Variants in FRAS1 observed in about 807,000 individuals in gnomAD.
The protein encoded by FRAS1 is extracellular matrix organizing protein FRAS1.
FRAS1 carries 290 observed loss-of-function variants against 435.2 expected under a neutral mutation model. The observed-to-expected ratio is 0.67, with a 90% CI of 0.61 to 0.73. FRAS1 has a LOEUF of 0.73. Ranked by LOEUF, FRAS1 falls within the 30% of genes least tolerant of loss-of-function variation. FRAS1 has a pLI of 0.00. For missense variants in FRAS1, 4,860 were observed against 5,001.5 expected, an observed-to-expected ratio of 0.97 and a Z score of 0.85; for synonymous variants, 1,800 against 1,851.0, an observed-to-expected ratio of 0.97 and a Z score of 0.71.
At chr4:78,166,646 G>A (rs1326423880) in intron 2 of FRAS1, among the ~76,000 whole-genome samples, 1 of 152,090 alleles carries the variant, frequency 6.6e-6, no homozygotes, top group African/African-American at 2.4e-5. Flanking sequence ...ATATTTTTAG[G>A]CAGTGGTTCC....
chr4:78,363,647 G>T lies in FRAS1; in HGVS notation c.2557G>T (p.Glu853Ter). 1 of 1,594,276 alleles carries T rather than the reference G, an allele frequency of 6.3e-7. No homozygotes were observed. Among genetic ancestry groups the T allele is most frequent in the Non-Finnish European group, 8.5e-7 (1 of 1,170,404 alleles). ...VPDCPSGYYAERGACKKCHSS... is the reference protein window; with the variant it reads ...VPDCPSGYYA ...TGACTGCCCTTCAGGATACTATGCA[G>T]AGAGAGGAGCTTGTAAAAGTGAGTA... Residue 853 changes from glutamate to a stop codon, truncating the protein, a stop_gained, in exon 21 of 74, where the codon GAG becomes TAG. Transcript: ENST00000512123. LOFTEE classifies it high-confidence loss of function.
chr4:78,276,134 C>T (rs1215674172), intron 9 of FRAS1, among the ~76,000 whole-genome samples: 3 of 152,218 alleles, frequency 2.0e-5, no homozygotes, highest in African/African-American at 4.8e-5. Context: ...GCATTCATCA[C>T]GTAGTTCTCA....
At chr4:78,483,798 A>ATATATATATATATATATATATATATAT (rs1491045148) in intron 58 of FRAS1, among the ~76,000 whole-genome samples, 2 of 71,670 alleles carry the variant, frequency 2.8e-5, no homozygotes, top group Non-Finnish European at 6.4e-5. Context: ...ATATATATAT[A>ATATATATATATATATATATATATATAT]AAATTATGTA....
chr4:78,182,403 C>T (rs1260475799), intron 2 of FRAS1, among the ~76,000 whole-genome samples: 1 of 152,110 alleles, frequency 6.6e-6, no homozygotes, highest in East Asian at 1.9e-4. Flanking sequence ...TCTTAGAAGA[C>T]AAGTAAGAGG....
At chr4:78,500,050 A>G (rs1720629562) in intron 61 of FRAS1, 129 bp downstream of exon 61, 1 of 673,938 alleles carries the variant, frequency 1.5e-6, no homozygotes, top group Non-Finnish European at 2.3e-6. Flanking sequence ...AGCATTTTTA[A>G]GCACACATTT....
chr4:78,159,915 A>G (rs1721066003), intron 2 of FRAS1, among the ~76,000 whole-genome samples: 1 of 152,088 alleles, frequency 6.6e-6, no homozygotes, highest in Non-Finnish European at 1.5e-5. Context: ...AAAGCCTAGA[A>G]CTAATTTCAC....
chr4:78,129,038 C>T (rs1031598059), intron 2 of FRAS1, among the ~76,000 whole-genome samples: 79 of 152,306 alleles, frequency 5.2e-4, no homozygotes, highest in Non-Finnish European at 1.0e-3. Flanking sequence ...TTGTTTTTCT[C>T]AGGTTTGTCA....
At chr4:78,494,626 G>A (rs58971322) in intron 59 of FRAS1, among the ~76,000 whole-genome samples, 13 of 152,114 alleles carry the variant, frequency 8.5e-5, no homozygotes, top group Non-Finnish European at 1.8e-4. Context: ...TCTTCCACCA[G>A]GCCCCACTTC....
At chr4:78,390,485 ACT>A (rs1415485916) in intron 29 of FRAS1, among the ~76,000 whole-genome samples, 3 of 151,738 alleles carry the variant, frequency 2.0e-5, no homozygotes, top group African/African-American at 7.3e-5. Context: ...TAACCATGAG[ACT>A]CTTTTCATTC....
At chr4:78,302,934 T>C (rs1355077475) in intron 14 of FRAS1, among the ~76,000 whole-genome samples, 2 of 152,216 alleles carry the variant, frequency 1.3e-5, no homozygotes, top group East Asian at 1.9e-4. Context: ...TCCTTGCCCA[T>C]GCCTATGTCC....
rs953155102 is a variant in FRAS1 at position 78,057,881 on chromosome 4, C to T, written c.-129C>T. 3 of 761,166 alleles carry T rather than the reference C, an allele frequency of 3.9e-6. No homozygotes were observed. Among genetic ancestry groups the T allele is most frequent in the Non-Finnish European group, 6.6e-6 (3 of 456,958 alleles). 47.2% of individuals were successfully genotyped at this position (761,166 alleles called of 1,614,324 possible). ...TCTCCGCCCGTCCATCTCTTTTTCC[C>T]GGAGGTAAAGGCCCGCGGTCCCCCA... On this transcript the variant is annotated 5_prime_UTR_variant, in exon 1 of 74. Coordinates refer to ENST00000512123, the MANE Select transcript of FRAS1 (RefSeq NM_025074.7). The surrounding 1 kb of genome is among the most constrained non-coding windows in gnomAD (Gnocchi z 4.2).
chr4:78,141,998 G>A (rs1720209027), intron 2 of FRAS1, among the ~76,000 whole-genome samples: 1 of 152,044 alleles, frequency 6.6e-6, no homozygotes, highest in South Asian at 2.1e-4. Flanking sequence ...CATGGGAGGG[G>A]GATGAGGGAT....
Position 78,245,289 on chromosome 4 carries a change from T to C in FRAS1, c.273T>C (p.Thr91=). ...NQCCPECVLR[T]PGSCHHEKKI... ...GCTGTCCTGAGTGTGTTTTGAGGAC[T>C]CCAGGATCTTGCCATCATGAAAAGA... Residue 91 remains threonine, a synonymous_variant, in exon 4 of 74, where the codon ACT becomes ACC. Transcript: ENST00000512123. 3 of 1,608,802 alleles carry C rather than the reference T, an allele frequency of 1.9e-6. No homozygotes were observed. The highest frequency in any genetic ancestry group is 2.5e-6 in the Non-Finnish European group (3 of 1,177,568).
rs190576342 is a variant in FRAS1 at position 78,118,267 on chromosome 4, C to T, written c.108+52251C>T. Among the ~76,000 whole-genome samples the T allele has an allele frequency of 5.7e-3, 868 of 152,306 alleles. 11 individuals are homozygous for T. The highest frequency in any genetic ancestry group is 0.02 in the African/African-American group (834 of 41,550). On this transcript the variant is annotated intron_variant, in intron 2 of 73. Coordinates refer to ENST00000512123, the MANE Select transcript of FRAS1 (RefSeq NM_025074.7). ...TGGGGGGTGCCTCCCAGTTAGGCTA[C>T]TCGGGGACCAGGGACCCACTTGAGG...
At chr4:78,483,221 C>T (rs1481494775) in intron 58 of FRAS1, among the ~76,000 whole-genome samples, 1 of 152,058 alleles carries the variant, frequency 6.6e-6, no homozygotes, top group Admixed American at 6.6e-5. Flanking sequence ...GAGTGATGTG[C>T]TTTTTTATTT....
chr4:78,478,367 C>A (rs78997229), intron 55 of FRAS1, among the ~76,000 whole-genome samples: 3,743 of 152,238 alleles, frequency 0.025, 170 homozygotes, highest in African/African-American at 0.084. Context: ...ATCACCCAAT[C>A]CATAAAATAT....
At chr4:78,112,277 A>G (rs1428660804) in intron 2 of FRAS1, among the ~76,000 whole-genome samples, 2 of 152,192 alleles carry the variant, frequency 1.3e-5, no homozygotes, top group Admixed American at 1.3e-4. Context: ...AAATGAATAA[A>G]TCAACAAATA....
At position 78,317,387 on chromosome 4, in the gene FRAS1, C is replaced by T; in HGVS notation, c.1839C>T (p.Ala613=). The T allele has an allele frequency of 6.2e-7, 1 of 1,613,928 alleles. No homozygotes were observed. The highest frequency in any genetic ancestry group is 1.1e-5 in the South Asian group (1 of 91,080). ...CCTCAGTTTGTCATAACTCATGTGC[C>T]AGCTGCTCTGGGCCCACACCCTCTC... The part of the protein sequence containing the change: ...GRCKVCHNSC[A]SCSGPTPSHC... The change falls in exon 17 of 74, where the codon GCC becomes GCT. Residue 613 remains alanine (A), a synonymous_variant. Transcript: ENST00000512123.
At chr4:78,187,603 T>C (rs1164179611) in intron 2 of FRAS1, among the ~76,000 whole-genome samples, 7 of 152,098 alleles carry the variant, frequency 4.6e-5, no homozygotes, top group Non-Finnish European at 1.0e-4. Flanking sequence ...CTATCCTTTT[T>C]TTTTCTTTTC....
Sources: gnomAD v4.1 joint callset for allele counts (sites outside exome capture counted in the v4.1 genomes callset) on GRCh38, gnomAD v4.1.1 for gene constraint, Gnocchi (gnomAD v3.1) non-coding constraint, MANE v1.5 for transcripts, NCBI Gene and HGNC (gene_info 2026-07-23, HGNC 2026-07-21) for gene names.